The following POLH variants were observed in gnomAD, a reference collection of about 807,000 sequenced individuals.
The protein encoded by POLH is DNA polymerase eta.
Under a neutral mutation model 73.6 loss-of-function variants are expected in POLH, and 53 were observed. That is an observed-to-expected ratio of 0.72 (90% CI 0.58 to 0.91). POLH has a LOEUF of 0.91. Among genes scored for constraint, POLH ranks in the 40% least tolerant of loss-of-function variants. POLH has a pLI of 0.00. For synonymous variants in POLH, 292 were observed against 308.5 expected, an observed-to-expected ratio of 0.95 and a Z score of 0.56; for missense variants, 768 against 865.4, an observed-to-expected ratio of 0.89 and a Z score of 1.41.
rs146914170 is a variant in POLH at position 43,608,451 on chromosome 6, G to A, written c.1075-2103G>A. Among the ~76,000 whole-genome samples the A allele has an allele frequency of 3.7e-3, 570 of 152,262 alleles. 25 individuals carry two copies. The highest frequency in any genetic ancestry group is 0.034 in the Admixed American group (527 of 15,296). On this transcript the variant is annotated intron_variant, in intron 9 of 10. Coordinates refer to ENST00000372236, the MANE Select transcript of POLH (RefSeq NM_006502.3). ...AGGGATTTGATCCAGTTGCGTTATC[G>A]CCCTTTTCCGCTTTTGCCCACTAGG...
chr6:43,597,767 C>G lies in POLH; in HGVS notation c.562C>G (p.Leu188Val). Residue 188 changes from leucine to valine, a missense_variant, in exon 5 of 11, where the codon CTG (leucine) becomes GTG (valine). Physicochemically the swap from Leu to Val is conservative, Grantham distance 32. Coordinates refer to ENST00000372236, the MANE Select transcript of POLH (RefSeq NM_006502.3). ...GATTGATAACCTCACCTCTCCAGACCTGCAGCTCACCGTGGGAGCAGTGAT... is the reference window on the plus strand; with the variant it reads ...GATTGATAACCTCACCTCTCCAGACGTGCAGCTCACCGTGGGAGCAGTGAT... Reference protein sequence around the residue: ...LQIDNLTSPDLQLTVGAVIVE... With the variant: ...LQIDNLTSPDVQLTVGAVIVE... The G allele has an allele frequency of 6.2e-7, 1 of 1,613,780 alleles. No homozygotes were observed. Among genetic ancestry groups the G allele is most frequent in the South Asian group, 1.1e-5 (1 of 91,082 alleles).
intron 3 of POLH, 110 bp downstream of exon 3, chr6:43,583,251 T>A: frequency 1.0e-6 from 1 of 975,000 alleles, no homozygotes; most frequent in Non-Finnish European, 1.6e-6. Context: ...CCGGAAAAAA[T>A]TCTTTTTGGT....
At chr6:43,589,836 T>C (rs2127782750) in intron 4 of POLH, among the ~76,000 whole-genome samples, 1 of 152,232 alleles carries the variant, frequency 6.6e-6, no homozygotes, top group South Asian at 2.1e-4. Flanking sequence ...TTTTAAATTT[T>C]TTGTAGAGAC....
chr6:43,591,277 G>GTCT (rs1354552887), intron 4 of POLH: 7 of 152,054 alleles, frequency 4.6e-5, no homozygotes, highest in African/African-American at 1.7e-4. Flanking sequence ...GTGTTCTTTG[G>GTCT]TCTTACCTTT....
rs536649109 is a variant in POLH at position 43,620,439 on chromosome 6, G to A, written c.*5882G>A. ...TTTCACTTGTCTCTAATCCTGAAGA[G>A]GTATCTAGCCCTGGAAGGAAGCTGA... On this transcript the variant is annotated 3_prime_UTR_variant, in exon 11 of 11. Transcript: ENST00000372236. 14 of 393,112 alleles carry A rather than the reference G, an allele frequency of 3.6e-5. No individual in the cohort carries two copies. The highest frequency in any genetic ancestry group is 5.9e-5 in the Non-Finnish European group (12 of 203,988). The allele number at this position is 393,112 out of a possible 1,614,324, so 24.4% of individuals were successfully genotyped here.
chr6:43,593,785 C>T (rs1321984867), intron 4 of POLH, among the ~76,000 whole-genome samples: 2 of 145,724 alleles, frequency 1.4e-5, no homozygotes, highest in African/African-American at 5.2e-5. Context: ...GAGGGTAAGG[C>T]AGGAGAATTA....
chr6:43,580,873 C>G (rs1237096250), intron 1 of POLH, among the ~76,000 whole-genome samples: 6 of 145,304 alleles, frequency 4.1e-5, no homozygotes, highest in South Asian at 2.2e-4. Flanking sequence ...CCAGACGGGG[C>G]GGCTGGCCGG....
chr6:43,614,679 AT>A lies in POLH; in HGVS notation c.*123del. ...AATTATGAAATTTTTAATACAAAAA[AT>A]AATCCATTTAGGTGCTGAGTTACGG... On this transcript the variant is annotated 3_prime_UTR_variant, in exon 11 of 11. Transcript: ENST00000372236. 1 of 909,170 alleles carries A rather than the reference AT, an allele frequency of 1.1e-6. No individual in the cohort carries two copies. The highest frequency in any genetic ancestry group is 1.6e-6 in the Non-Finnish European group (1 of 606,320). 56.3% of individuals were successfully genotyped at this position (909,170 alleles called of 1,614,324 possible).
chr6:43,598,678 G>C, intron 5 of POLH, among the ~76,000 whole-genome samples: 1 of 151,388 alleles, frequency 6.6e-6, no homozygotes, highest in Non-Finnish European at 1.5e-5. Context: ...TACACTATAA[G>C]AACAATTTAT....
At chr6:43,586,930 A>G (rs566373525) in intron 3 of POLH, among the ~76,000 whole-genome samples, 1 of 152,346 alleles carries the variant, frequency 6.6e-6, no homozygotes, top group East Asian at 1.9e-4. Context: ...TGAAAATAAA[A>G]GGAATAGGTG....
chr6:43,603,969 T>C lies in POLH; in HGVS notation c.842T>C (p.Phe281Ser). The C allele has an allele frequency of 6.2e-7, 1 of 1,613,408 alleles. No individual in the cohort carries two copies. Among genetic ancestry groups the C allele is most frequent in the Middle Eastern group, 1.6e-4 (1 of 6,062 alleles). The change falls in exon 7 of 11, where the codon TTC becomes TCC. Residue 281 changes from phenylalanine to serine, a missense_variant. Transcript: ENST00000372236. ...GAATACATGGGTGAACTGACCCAGTTCACTGAATCCCAGCTCCAGAGTCAT... is the reference window on the plus strand; with the variant it reads ...GAATACATGGGTGAACTGACCCAGTCCACTGAATCCCAGCTCCAGAGTCAT... ...GIEYMGELTQ[F>S]TESQLQSHFG...
intron 1 of POLH, chr6:43,578,518 T>C: frequency 5.8e-6 from 2 of 347,220 alleles, no homozygotes; most frequent in South Asian, 2.2e-5. Flanking sequence ...GAGCGAGACT[T>C]TGTCTCAAAA....
At chr6:43,600,620 T>C (rs536324366) in intron 5 of POLH, among the ~76,000 whole-genome samples, 1 of 152,298 alleles carries the variant, frequency 6.6e-6, no homozygotes, top group East Asian at 1.9e-4. Context: ...AACAAGTATG[T>C]TTCGGCATTT....
In POLH at chr6:43,619,090, T is replaced by C. The variant is rs1343517355; in HGVS notation, c.*4533T>C. ...TACTTGAATATCTAATAAAAGACAA[T>C]ATTTAGCCAGTCACGGTGGCTGATG... On this transcript the variant is annotated 3_prime_UTR_variant, in exon 11 of 11. Transcript: ENST00000372236. 1.3e-5 allele frequency among the ~76,000 whole-genome samples: 2 copies of C among 151,824 alleles called. No homozygotes were observed. The highest frequency in any genetic ancestry group is 4.8e-5 in the African/African-American group (2 of 41,356).
In POLH at chr6:43,614,512, G is replaced by A; in HGVS notation, c.2097G>A (p.Glu699=). Residue 699 remains glutamate (E), a synonymous_variant, in exon 11 of 11, where the codon GAG becomes GAA. Transcript: ENST00000372236. The part of the protein sequence containing the change: ...LACTNKRPRP[E]GMQTLESFFK... ...GCACTAATAAACGCCCCAGGCCTGA[G>A]GGCATGCAAACATTGGAATCATTTT... The A allele has an allele frequency of 6.2e-7, 1 of 1,614,000 alleles. No individual in the cohort carries two copies.
chr6:43,610,669 A>G lies in POLH; in HGVS notation c.1190A>G (p.His397Arg). The change falls in exon 10 of 11, where the codon CAT becomes CGT. Residue 397 changes from histidine (H) to arginine (R), a missense_variant. Transcript: ENST00000372236. ...LTRYDAHKMSHDAFTVIKNCN... is the reference protein window; with the variant it reads ...LTRYDAHKMSRDAFTVIKNCN... The stretch of plus-strand genomic sequence containing the variant: ...CGCTATGATGCTCACAAGATGAGCC[A>G]TGATGCATTTACTGTCATCAAGAAC... 1 of 1,613,510 alleles carries G rather than the reference A, an allele frequency of 6.2e-7. No individual in the cohort carries two copies. Among genetic ancestry groups the G allele is most frequent in the Non-Finnish European group, 8.5e-7 (1 of 1,179,756 alleles).
In POLH at chr6:43,619,382, A is replaced by G. The variant is rs1463995596; in HGVS notation, c.*4825A>G. Among the ~76,000 whole-genome samples the G allele has an allele frequency of 6.7e-6, 1 of 149,306 alleles. No individual in the cohort carries two copies. Among genetic ancestry groups the G allele is most frequent in the Non-Finnish European group, 1.5e-5 (1 of 67,668 alleles). ...CCTGTCTCAAAAAAAAAAAAAAAAA[A>G]AAAAAAAAAAAAGACTACATTCACT... On this transcript the variant is annotated 3_prime_UTR_variant, in exon 11 of 11. Coordinates refer to ENST00000372236, the MANE Select transcript of POLH (RefSeq NM_006502.3).
chr6:43,614,919 GTAA>G lies in POLH; in HGVS notation c.*363_*365del. ...AGTCATTTTCTTCACATTCTCATCT[GTAA>G]AATGGAGATAATACCTTACAGATTA... On this transcript the variant is annotated 3_prime_UTR_variant, in exon 11 of 11. Transcript: ENST00000372236. The G allele has an allele frequency of 4.2e-6, 1 of 237,200 alleles. No homozygotes were observed. Among genetic ancestry groups the G allele is most frequent in the East Asian group, 1.0e-4 (1 of 9,754 alleles). The allele number at this position is 237,200 out of a possible 1,614,324, so 14.7% of individuals were successfully genotyped here. A position where few individuals can be genotyped will look rare whatever the true frequency, so the allele number is the denominator to read the frequency against.
intron 5 of POLH, among the ~76,000 whole-genome samples, chr6:43,598,644 AAAAG>A (rs1453437240): frequency 2.6e-5 from 4 of 152,152 alleles, no homozygotes; most frequent in African/African-American, 7.2e-5. Flanking sequence ...CAAAAAAAAA[AAAAG>A]AAAAAGAAAA....
Sources: allele counts gnomAD v4.1 joint callset (sites outside exome capture counted in the v4.1 genomes callset), GRCh38; gene constraint gnomAD v4.1.1; transcripts MANE v1.5; gene names NCBI Gene and HGNC (gene_info 2026-07-23, HGNC 2026-07-21).